DAPK2: variants seen among roughly 807,000 people sequenced by gnomAD.
DAPK2 encodes death-associated protein kinase 2.
DAPK2 carries 35 observed loss-of-function variants against 44.1 expected under a neutral mutation model. The ratio of observed to expected loss-of-function variants is 0.79; its 90% CI spans 0.61 to 1.05. The LOEUF is 1.05. DAPK2 is among the 50% of genes least tolerant of loss of function. DAPK2 has a pLI of 0.00. For missense variants in DAPK2, 453 were observed against 483.2 expected, an observed-to-expected ratio of 0.94 and a Z score of 0.59; for synonymous variants, 174 against 182.6, an observed-to-expected ratio of 0.95 and a Z score of 0.38.
chr15:63,925,394 A>G (rs963483617), intron 7 of DAPK2, among the ~76,000 whole-genome samples: 12 of 151,992 alleles, frequency 7.9e-5, no homozygotes, highest in African/African-American at 2.9e-4. Flanking sequence ...TTCCTGCCCC[A>G]TCCAGAGCAT....
intron 10 of DAPK2, among the ~76,000 whole-genome samples, chr15:63,909,930 C>T (rs2078744430): frequency 1.3e-5 from 2 of 152,362 alleles, no homozygotes; most frequent in East Asian, 1.9e-4. Flanking sequence ...CTCATCCTCC[C>T]AGGGCCTTTT....
chr15:64,003,010 G>GTGTGTGTGTGTGTGTGTGTGTT lies in DAPK2; in HGVS notation c.93-19257_93-19256insAACACACACACACACACACACA, dbSNP rs1314879276. 7.0e-4 allele frequency among the ~76,000 whole-genome samples: 99 copies of GTGTGTGTGTGTGTGTGTGTGTT among 140,552 alleles called. 3 individuals are homozygous for GTGTGTGTGTGTGTGTGTGTGTT. Among genetic ancestry groups the GTGTGTGTGTGTGTGTGTGTGTT allele is most frequent in the South Asian group, 4.1e-3 (14 of 3,428 alleles). The allele number at this position is 140,552 out of a possible 152,430, so 92.2% of individuals were successfully genotyped here. A position where few individuals can be genotyped will look rare whatever the true frequency, so the allele number is the denominator to read the frequency against. ...TGTGTGTGTGTGTGTGTGTGTGTGT[G>GTGTGTGTGTGTGTGTGTGTGTT]TGTGTCGTGGGACCAGAGGTGGTGG... On this transcript the variant is annotated intron_variant, in intron 1 of 10. Coordinates refer to ENST00000261891, the Ensembl canonical transcript of DAPK2.
At chr15:63,988,787 TGA>T (rs2078735485) in intron 1 of DAPK2, among the ~76,000 whole-genome samples, 1 of 152,004 alleles carries the variant, frequency 6.6e-6, no homozygotes, top group South Asian at 2.1e-4. Flanking sequence ...ATTACAGGCA[TGA>T]GCCACCGCGC....
chr15:63,978,064 G>C (rs1317059085), intron 2 of DAPK2, among the ~76,000 whole-genome samples: 1 of 152,156 alleles, frequency 6.6e-6, no homozygotes, highest in African/African-American at 2.4e-5. Context: ...ACAGCACCTA[G>C]TGCAAGAAAG....
intron 8 of DAPK2, chr15:63,918,160 AC>A (rs2078978057): frequency 6.6e-6 from 1 of 152,116 alleles, no homozygotes; most frequent in Admixed American, 6.5e-5. Flanking sequence ...GCACACAGCC[AC>A]CTCCAGCAAG....
rs775896992 is a variant in DAPK2, at chr15:63,912,210, G to C, written c.859-13C>G. ...GGTTGTCCACCGGCTGAGAGACAAA[G>C]CAGAGCATGGCAGCTGATGCTGGGC... On this transcript the variant is annotated splice_polypyrimidine_tract_variant and intron_variant, in intron 8 of 10. Transcript: ENST00000261891. This position sits in a 1 kb window ranked among gnomAD's most constrained non-coding sequence, Gnocchi z 4.4. 95 of 1,613,338 alleles carry C rather than the reference G, an allele frequency of 5.9e-5. No homozygotes were observed. Among genetic ancestry groups the C allele is most frequent in the Non-Finnish European group, 7.7e-5 (91 of 1,179,756 alleles).
intron 3 of DAPK2, among the ~76,000 whole-genome samples, chr15:63,964,896 A>G (rs1020462728): frequency 5.3e-4 from 81 of 152,134 alleles, no homozygotes; most frequent in Non-Finnish European, 2.9e-5. Flanking sequence ...CAGCTATTCT[A>G]AATTCTCTGT....
upstream of DAPK2, among the ~76,000 whole-genome samples, chr15:64,043,078 A>G (rs73458774): frequency 0.018 from 2,737 of 152,290 alleles, 80 homozygotes; most frequent in African/African-American, 0.063. Context: ...TTACTGGCAC[A>G]TTGTCTTAGC....
At position 63,939,786 on chromosome 15, in the gene DAPK2, T is replaced by C. The variant is rs1250904228; in HGVS notation, c.454-425A>G. ...GACGGGGACATCCCAGCTTAGCCTC[T>C]GTTTATACTTGGCTTACTGACCTTG... On this transcript the variant is annotated intron_variant, in intron 3 of 10. Transcript: ENST00000261891. The surrounding 1 kb of genome is among the most constrained non-coding windows in gnomAD (Gnocchi z 4.3). Among the ~76,000 whole-genome samples, 1 of 152,228 alleles carries C rather than the reference T, an allele frequency of 6.6e-6. No homozygotes were observed. Among genetic ancestry groups the C allele is most frequent in the Non-Finnish European group, 1.5e-5 (1 of 68,042 alleles).
exon 3 of DAPK2, chr15:63,971,515 G>A: frequency 1.2e-6 from 2 of 1,614,172 alleles, no homozygotes; most frequent in Non-Finnish European, 1.7e-6. Flanking sequence ...TCCTCACTCA[G>A]TGACTCCTTC....
In DAPK2 at chr15:63,923,592, T is replaced by C. The variant is rs1394281840; in HGVS notation, c.858+1224A>G. Among the ~76,000 whole-genome samples the C allele has an allele frequency of 1.3e-5, 2 of 152,178 alleles. No homozygotes were observed. Among genetic ancestry groups the C allele is most frequent in the African/African-American group, 4.8e-5 (2 of 41,444 alleles). ...GCCATTAGAGAGAGCTCCACACACA[T>C]AGCATTTAAGGGGTGCTCACGCAGA... On this transcript the variant is annotated intron_variant, in intron 8 of 10. Transcript: ENST00000261891. This position sits in a 1 kb window ranked among gnomAD's most constrained non-coding sequence, Gnocchi z 4.2.
chr15:63,991,877 T>G (rs942248298), intron 1 of DAPK2, among the ~76,000 whole-genome samples: 17 of 152,228 alleles, frequency 1.1e-4, no homozygotes, highest in Admixed American at 8.5e-4. Flanking sequence ...TCCAGGGAAC[T>G]GACTCCTGAC....
intron 4 of DAPK2, among the ~76,000 whole-genome samples, chr15:63,936,274 G>A (rs1170889099): frequency 6.6e-6 from 1 of 152,172 alleles, no homozygotes; most frequent in Non-Finnish European, 1.5e-5. Context: ...GCTTTTGGGG[G>A]TGGGACAGGT....
chr15:64,004,292 G>C (rs1466612763), intron 1 of DAPK2, among the ~76,000 whole-genome samples: 1 of 152,150 alleles, frequency 6.6e-6, no homozygotes, highest in Non-Finnish European at 1.5e-5. Context: ...CTAGAGGCTT[G>C]ATCAGATTCA....
At chr15:63,965,296 T>C (rs917025556) in intron 3 of DAPK2, among the ~76,000 whole-genome samples, 3 of 152,230 alleles carry the variant, frequency 2.0e-5, no homozygotes, top group Non-Finnish European at 4.4e-5. Context: ...CTTCCCTTAC[T>C]TTCTTCCAAA....
At chr15:63,991,419 C>T in intron 1 of DAPK2, 4 of 440,008 alleles carry the variant, frequency 9.1e-6, no homozygotes, top group South Asian at 4.8e-5. Context: ...CCAGGCCCCT[C>T]GTTTCATGAG....
intron 7 of DAPK2, among the ~76,000 whole-genome samples, chr15:63,925,315 A>G (rs1171715051): frequency 6.6e-6 from 1 of 151,818 alleles, no homozygotes; most frequent in East Asian, 1.9e-4. Context: ...ACTCCAGACA[A>G]CCCCACTCTG....
intron 1 of DAPK2, among the ~76,000 whole-genome samples, chr15:64,045,954 C>T (rs1328235126): frequency 6.6e-6 from 1 of 152,234 alleles, no homozygotes; most frequent in Non-Finnish European, 1.5e-5. Context: ...AAGACTTGGC[C>T]GGGAGCCGGG....
intron 4 of DAPK2, among the ~76,000 whole-genome samples, chr15:63,931,854 C>T (rs940982681): frequency 2.0e-5 from 3 of 152,148 alleles, no homozygotes; most frequent in Non-Finnish European, 2.9e-5. Context: ...TTCACAGCCC[C>T]GCAGTGCCCA....
Sources: gnomAD v4.1 joint callset for allele counts (sites outside exome capture counted in the v4.1 genomes callset) on GRCh38, gnomAD v4.1.1 for gene constraint, Gnocchi (gnomAD v3.1) non-coding constraint, MANE v1.5 for transcripts, NCBI Gene and HGNC (gene_info 2026-07-23, HGNC 2026-07-21) for gene names.